The following XRN2 variants were observed in gnomAD, a reference collection of about 807,000 sequenced individuals.
XRN2 encodes DHM1-like protein.
Under a neutral mutation model 138.5 loss-of-function variants are expected in XRN2, and 44 were observed. The ratio of observed to expected loss-of-function variants is 0.32; its 90% confidence interval spans 0.25 to 0.41. The LOEUF (loss-of-function observed/expected upper bound fraction) is 0.41, where lower values mean the gene tolerates loss of function less well. Among genes scored for constraint, XRN2 ranks in the 10% least tolerant of loss-of-function variants. The pLI is 1.00. For missense variants in XRN2, 937 were observed against 1,169.3 expected (o/e 0.80, Z 2.90); for synonymous variants, 354 against 369.4 (o/e 0.96, Z 0.48).
At chr20:21,307,199 G>T (rs926039022) in intron 1 of XRN2, among the ~76,000 whole-genome samples, 1 of 75,892 alleles carries the variant, frequency 1.3e-5, no homozygotes, top group African/African-American at 3.6e-5. Context: ...ATTTTAAAAA[G>T]ATCTTTTTCT....
chr20:21,338,963 T>C (rs1024084550), intron 13 of XRN2, 81 bp from the exon 14 acceptor site: 1 of 1,365,374 alleles, frequency 7.3e-7, no homozygotes, highest in African/African-American at 1.5e-5. Flanking sequence ...TTAAGTTGTC[T>C]CCCAAATCAT....
intron 24 of XRN2, among the ~76,000 whole-genome samples, chr20:21,358,076 G>GA (rs2038596899): frequency 6.6e-6 from 1 of 152,172 alleles, no homozygotes; most frequent in East Asian, 1.9e-4. Flanking sequence ...AAGAGTAGGA[G>GA]TATCTAGCAG....
At chr20:21,346,966 C>T (rs2122247979) in intron 17 of XRN2, among the ~76,000 whole-genome samples, 1 of 152,210 alleles carries the variant, frequency 6.6e-6, no homozygotes, top group Middle Eastern at 3.4e-3. Context: ...TGAAAACAAA[C>T]CCAGGCTCAT....
At chr20:21,311,848 A>G (rs973218763) in intron 1 of XRN2, among the ~76,000 whole-genome samples, 1 of 152,042 alleles carries the variant, frequency 6.6e-6, no homozygotes, top group Non-Finnish European at 1.5e-5. Context: ...AAAAAAAATT[A>G]GCTGGGCATA....
At chr20:21,326,143 A>G in intron 1 of XRN2, 136 bp from the exon 2 acceptor site, 1 of 864,488 alleles carries the variant, frequency 1.2e-6, no homozygotes, top group Non-Finnish European at 1.7e-6. Flanking sequence ...GAATAAAATA[A>G]CTTATTATAA....
At position 21,303,351 on chromosome 20, in the gene XRN2, G is replaced by A. The variant is rs1316402511; in HGVS notation, c.-48G>A. The A allele has an allele frequency of 6.5e-7, 1 of 1,538,346 alleles. No individual in the cohort carries two copies. The highest frequency in any genetic ancestry group is 8.8e-7 in the Non-Finnish European group (1 of 1,141,746). Reference sequence around the variant, plus strand: ...CCTCTGCCGCTGCTCCCGTCTCTTTGGTTACGCTCGTCAGCCGGTCGGCCG... The same window carrying A: ...CCTCTGCCGCTGCTCCCGTCTCTTTAGTTACGCTCGTCAGCCGGTCGGCCG... On this transcript the variant is annotated 5_prime_UTR_variant, in exon 1 of 30. Transcript: ENST00000377191.
In XRN2 at chr20:21,372,019, A is replaced by G. The variant is rs182299401; in HGVS notation, c.2584+3429A>G. Among the ~76,000 whole-genome samples, 10 of 152,372 alleles carry G rather than the reference A, an allele frequency of 6.6e-5. No individual in the cohort carries two copies. The East Asian group carries it at 1.5e-3, about 23-fold the overall frequency. ...TATTAGATTTAATGTGTACTTACAA[A>G]GTACAAAATACTTACAGACTTTAAT... On this transcript the variant is annotated intron_variant, in intron 27 of 29. Transcript: ENST00000377191.
chr20:21,335,091 A>G (rs907846385), intron 13 of XRN2, among the ~76,000 whole-genome samples: 3 of 152,208 alleles, frequency 2.0e-5, no homozygotes, highest in Non-Finnish European at 4.4e-5. Context: ...AGAGAGGTAG[A>G]AGGAAATTCC....
chr20:21,366,859 T>G (rs1021249990), intron 26 of XRN2, among the ~76,000 whole-genome samples: 7 of 152,232 alleles, frequency 4.6e-5, no homozygotes, highest in Admixed American at 4.6e-4. Flanking sequence ...TCTCCATTTA[T>G]GTATTGCTAT....
At chr20:21,343,254 A>G in intron 15 of XRN2, among the ~76,000 whole-genome samples, 1 of 152,090 alleles carries the variant, frequency 6.6e-6, no homozygotes, top group Non-Finnish European at 1.5e-5. Flanking sequence ...TTGAGTAACT[A>G]AAGTTGCAGA....
intron 13 of XRN2, among the ~76,000 whole-genome samples, chr20:21,337,550 A>C (rs2038312985): frequency 6.6e-6 from 1 of 152,162 alleles, no homozygotes; most frequent in Non-Finnish European, 1.5e-5. Context: ...GATGGTGTTC[A>C]AAGCCATGAG....
chr20:21,349,335 A>G, intron 19 of XRN2, 54 bp from the exon 20 acceptor site: 3 of 1,174,680 alleles, frequency 2.6e-6, no homozygotes, highest in Non-Finnish European at 3.8e-6. Flanking sequence ...CAAATTCTTT[A>G]TAACAGAGAT....
intron 20 of XRN2, 88 bp downstream of exon 20, chr20:21,349,549 C>T: frequency 8.9e-7 from 1 of 1,125,408 alleles, no homozygotes; most frequent in Non-Finnish European, 1.3e-6. Context: ...AATATTTTAG[C>T]CTGGGCAACA....
chr20:21,337,101 C>A (rs944804036), intron 13 of XRN2, among the ~76,000 whole-genome samples: 13 of 152,218 alleles, frequency 8.5e-5, no homozygotes, highest in African/African-American at 3.1e-4. Flanking sequence ...GGACTGTTAA[C>A]TTTCATTGTG....
chr20:21,340,759 T>A lies in XRN2; in HGVS notation c.1317T>A (p.Thr439=). ...CTTTCACTCCTAGTGGAATATTAACTCCTCATGCCTTGGGTTCAAGAAATT... is the reference window on the plus strand; with the variant it reads ...CTTTCACTCCTAGTGGAATATTAACACCTCATGCCTTGGGTTCAAGAAATT... ...QPAFTPSGIL[T]PHALGSRNSP... Residue 439 remains threonine (T), a synonymous_variant, in exon 15 of 30, where the codon ACT becomes ACA. Transcript: ENST00000377191. 1.2e-6 allele frequency: 2 copies of A among 1,614,002 alleles called. No homozygotes were observed. The highest frequency in any genetic ancestry group is 1.7e-4 in the Middle Eastern group (1 of 6,058).
At chr20:21,334,245 C>T in intron 13 of XRN2, 60 bp downstream of exon 13, 1 of 1,345,744 alleles carries the variant, frequency 7.4e-7, no homozygotes, top group Non-Finnish European at 1.1e-6. Flanking sequence ...CTATGATGAT[C>T]CTGTGATTAC....
chr20:21,325,976 G>C (rs2038123482), intron 1 of XRN2, among the ~76,000 whole-genome samples: 1 of 152,074 alleles, frequency 6.6e-6, no homozygotes, highest in Admixed American at 6.5e-5. Flanking sequence ...TGATGTGAGT[G>C]GTGAGGGAAA....
chr20:21,363,760 T>A (rs976003516), intron 24 of XRN2, among the ~76,000 whole-genome samples: 3 of 152,342 alleles, frequency 2.0e-5, no homozygotes, highest in Middle Eastern at 3.4e-3. Flanking sequence ...AAACTTTTTT[T>A]AAAAACCTTT....
intron 27 of XRN2, among the ~76,000 whole-genome samples, 167 bp from the exon 28 acceptor site, chr20:21,381,823 TGTTA>T (rs945512266): frequency 7.2e-5 from 11 of 152,302 alleles, no homozygotes; most frequent in African/African-American, 2.6e-4. Flanking sequence ...TTGCTGACCT[TGTTA>T]GTTACTTACC....
Sources: allele counts gnomAD v4.1 joint callset (sites outside exome capture counted in the v4.1 genomes callset), GRCh38; gene constraint gnomAD v4.1.1; transcripts MANE v1.5; gene names NCBI Gene and HGNC (gene_info 2026-07-23, HGNC 2026-07-21).